SEL1L3: variants seen among roughly 807,000 people sequenced by gnomAD.
SEL1L3 encodes the protein SEL1L family member 3, also known as protein sel-1 homolog 3.
In SEL1L3, 76 loss-of-function variants were observed where a neutral mutation model predicts 142.8. The observed-to-expected ratio is 0.53, with a 90% CI of 0.44 to 0.64. The LOEUF is 0.64. Ranked by LOEUF, SEL1L3 falls within the 30% of genes least tolerant of loss-of-function variation. The pLI is 0.00. For synonymous variants in SEL1L3, 504 were observed against 519.6 expected (o/e 0.97, Z 0.41); for missense variants, 1,262 against 1,381.7 (o/e 0.91, Z 1.37).
chr4:25,779,508 T>A (rs1388241871), intron 15 of SEL1L3, among the ~76,000 whole-genome samples: 1 of 152,244 alleles, frequency 6.6e-6, no homozygotes, highest in African/African-American at 2.4e-5. Context: ...GATAGAAGAC[T>A]ATATCAGAAG....
intron 1 of SEL1L3, among the ~76,000 whole-genome samples, chr4:25,852,917 C>T (rs1717001014): frequency 6.6e-6 from 1 of 152,126 alleles, no homozygotes; most frequent in Non-Finnish European, 1.5e-5. Context: ...GGGTAATGAC[C>T]ATTTGATTTT....
At chr4:25,830,197 C>T (rs1367377439) in intron 5 of SEL1L3, 41 bp from the exon 6 acceptor site, 2 of 1,261,992 alleles carry the variant, frequency 1.6e-6, no homozygotes, top group South Asian at 2.4e-5. Flanking sequence ...TATGCCTCAT[C>T]ACCCTACATT....
chr4:25,806,722 G>C (rs1713602084), intron 9 of SEL1L3, among the ~76,000 whole-genome samples: 1 of 152,082 alleles, frequency 6.6e-6, no homozygotes, highest in African/African-American at 2.4e-5. Context: ...CCTACCTCCT[G>C]GTTCTGCTTT....
At chr4:25,722,112 A>G in the SEL1L3 span, among the ~76,000 whole-genome samples, 1 of 152,176 alleles carries the variant, frequency 6.6e-6, no homozygotes, top group Non-Finnish European at 1.5e-5. Context: ...CTTATATACC[A>G]TTTTAACAAA....
Position 25,759,051 on chromosome 4 carries a change from G to C in SEL1L3, c.2973C>G (p.Ala991=). 6.2e-7 allele frequency: 1 copy of C among 1,612,900 alleles called. No individual in the cohort carries two copies. The highest frequency in any genetic ancestry group is 8.5e-7 in the Non-Finnish European group (1 of 1,179,658). The change falls in exon 21 of 24, where the codon GCC becomes GCG. Residue 991 remains alanine (A), a synonymous_variant. Transcript: ENST00000399878. ...DGDSQGFFNL[A]LLIEEGTIIP... The stretch of plus-strand genomic sequence containing the variant: ...TTATCGTACCTTCCTCGATTAGCAG[G>C]GCCAGGTTAAAAAATCCCTAAAAAC...
At chr4:25,846,574 C>T (rs1716525060) in intron 2 of SEL1L3, among the ~76,000 whole-genome samples, 1 of 151,992 alleles carries the variant, frequency 6.6e-6, no homozygotes, top group East Asian at 1.9e-4. Context: ...GGAAGGGTTC[C>T]TTTAGGTTCT....
chr4:25,847,617 T>C lies in SEL1L3; in HGVS notation c.410A>G (p.His137Arg), dbSNP rs1164135799. ...VYKKRWKNEK[H>R]LHTSRTQIVH... is the part of the protein sequence containing the mutation. ...TATTTGTGTCCTGCTGGTGTGAAGA[T>C]GTTTCTCATTCTTCCACCTTTTTTT... Residue 137 changes from histidine (H) to arginine (R), a missense_variant, in exon 2 of 24, where the codon CAT (histidine) becomes CGT (arginine). This residue lies in a region of SEL1L3 where 689 missense variants were observed against 692.8 expected (regional missense o/e 0.99). Coordinates refer to ENST00000399878, the MANE Select transcript of SEL1L3 (RefSeq NM_015187.5). The C allele has an allele frequency of 1.2e-6, 2 of 1,614,016 alleles. No individual in the cohort carries two copies. The highest frequency in any genetic ancestry group is 2.2e-5 in the East Asian group (1 of 44,888).
intron 5 of SEL1L3, among the ~76,000 whole-genome samples, chr4:25,832,433 G>C (rs1412975331): frequency 6.6e-6 from 1 of 152,224 alleles, no homozygotes; most frequent in Non-Finnish European, 1.5e-5. Context: ...CATGTTATGA[G>C]AGTTTGAAGC....
intron 1 of SEL1L3, among the ~76,000 whole-genome samples, chr4:25,859,128 T>C (rs1308572089): frequency 6.6e-6 from 1 of 152,246 alleles, no homozygotes; most frequent in African/African-American, 2.4e-5. Context: ...CTAGCCAAGT[T>C]GGAAGAAGGT....
the SEL1L3 span, among the ~76,000 whole-genome samples, chr4:25,733,679 C>T: frequency 2.6e-5 from 4 of 152,018 alleles, no homozygotes; most frequent in African/African-American, 4.8e-5. Context: ...CACCACCGCG[C>T]CCGGCTAATT....
At chr4:25,807,898 C>T (rs966368981) in intron 9 of SEL1L3, among the ~76,000 whole-genome samples, 10 of 152,100 alleles carry the variant, frequency 6.6e-5, no homozygotes, top group Non-Finnish European at 1.0e-4. Flanking sequence ...TTATTTCTTT[C>T]GTATGTGAAA....
chr4:25,802,830 C>T (rs1713277850), intron 10 of SEL1L3, among the ~76,000 whole-genome samples: 1 of 152,126 alleles, frequency 6.6e-6, no homozygotes, highest in African/African-American at 2.4e-5. Flanking sequence ...ATCTACCCGC[C>T]TCGGTTTCTC....
At chr4:25,725,532 T>G in the SEL1L3 span, among the ~76,000 whole-genome samples, 1 of 152,066 alleles carries the variant, frequency 6.6e-6, no homozygotes, top group Non-Finnish European at 1.5e-5. Context: ...GCCAGGCTGG[T>G]CTTGAACTCT....
At chr4:25,719,333 T>A in the SEL1L3 span, 1 of 152,132 alleles carries the variant, frequency 6.6e-6, no homozygotes. Flanking sequence ...TTCTGGTTGG[T>A]TGCCTTAGTG....
At chr4:25,783,038 G>C (rs577546616) in intron 14 of SEL1L3, among the ~76,000 whole-genome samples, 63 of 152,280 alleles carry the variant, frequency 4.1e-4, no homozygotes, top group Middle Eastern at 3.4e-3. Flanking sequence ...CAATAAAACT[G>C]TATTTCCTCA....
chr4:25,836,230 C>T (rs758403519), intron 2 of SEL1L3, among the ~76,000 whole-genome samples: 2 of 152,154 alleles, frequency 1.3e-5, no homozygotes, highest in Non-Finnish European at 2.9e-5. Flanking sequence ...AAAGGGAGAA[C>T]TGAGTTATTT....
chr4:25,776,986 A>T (rs953354189), intron 16 of SEL1L3, among the ~76,000 whole-genome samples: 6 of 152,094 alleles, frequency 3.9e-5, no homozygotes, highest in Non-Finnish European at 7.4e-5. Context: ...CATTAAATGT[A>T]AATGGACAAA....
intron 20 of SEL1L3, 113 bp from the exon 21 acceptor site, chr4:25,759,181 G>A: frequency 9.1e-7 from 1 of 1,098,088 alleles, no homozygotes; most frequent in Non-Finnish European, 1.3e-6. Context: ...TAAGTCTCTA[G>A]AGCCAGATGG....
At chr4:25,756,497 T>C (rs1041852380) in intron 23 of SEL1L3, 4 of 984,118 alleles carry the variant, frequency 4.1e-6, no homozygotes, top group Middle Eastern at 1.0e-3. Flanking sequence ...TTTCACTTAA[T>C]ATTTTTTTCA....
Sources: gnomAD v4.1 joint callset for allele counts (sites outside exome capture counted in the v4.1 genomes callset) on GRCh38, gnomAD v4.1.1 for gene constraint, gnomAD v4.1.1 regional missense constraint, MANE v1.5 for transcripts, NCBI Gene and HGNC (gene_info 2026-07-23, HGNC 2026-07-21) for gene names.